Variants in SYTL5 observed in about 807,000 individuals in gnomAD.
SYTL5 encodes the protein synaptotagmin like 5.
A neutral mutation model predicts 55.9 loss-of-function variants in SYTL5; 34 were observed. The ratio of observed to expected loss-of-function variants is 0.61; its 90% CI spans 0.46 to 0.81. The LOEUF is 0.81. Ranked by LOEUF, SYTL5 falls within the 30% of genes least tolerant of loss-of-function variation. The pLI, the probability that SYTL5 is intolerant of heterozygous loss-of-function variation, is 0.00. For synonymous variants in SYTL5, 221 were observed against 188.7 expected (o/e 1.17, Z -1.40); for missense variants, 637 against 546.7 (o/e 1.17, Z -1.65).
chrX:37,976,656 A>G, the SYTL5 span, among the ~76,000 whole-genome samples: 2 of 111,416 alleles, frequency 1.8e-5, no homozygotes, highest in Non-Finnish European at 3.8e-5. Flanking sequence ...ATTTATTTTC[A>G]TCTAACACTA....
chrX:38,011,031 G>C (rs1832152849), intron 1 of SYTL5, among the ~76,000 whole-genome samples: 1 of 111,542 alleles, frequency 9.0e-6, no homozygotes, highest in South Asian at 3.8e-4. Context: ...CAGCACCAGA[G>C]GCAATTTTCT....
At chrX:38,026,941 AT>A (rs1934795158) in intron 1 of SYTL5, among the ~76,000 whole-genome samples, 1 of 111,826 alleles carries the variant, frequency 8.9e-6, no homozygotes, top group Non-Finnish European at 1.9e-5. Flanking sequence ...CACCTCTGAC[AT>A]TTTCCCCTTC....
At chrX:38,099,707 C>G (rs1462148843) in intron 9 of SYTL5, among the ~76,000 whole-genome samples, 1 of 111,138 alleles carries the variant, frequency 9.0e-6, no homozygotes, top group Non-Finnish European at 1.9e-5. Context: ...ATAATGTTAG[C>G]TAAGAGCTTC....
At chrX:38,092,985 T>G (rs1027028164) in intron 7 of SYTL5, among the ~76,000 whole-genome samples, 4 of 111,933 alleles carry the variant, frequency 3.6e-5, no homozygotes, top group African/African-American at 1.3e-4. Flanking sequence ...ATTAACATAA[T>G]TGCCTCCAAG....
rs748828097 is a variant in SYTL5, at chrX:38,080,001, T to TA, written c.689+3301dup. Among the ~76,000 whole-genome samples the TA allele has an allele frequency of 7.7e-4, 86 of 112,044 alleles. 1 individual carries two copies. The highest frequency in any genetic ancestry group is 1.4e-3 in the Non-Finnish European group (72 of 53,250). On this transcript the variant is annotated intron_variant, in intron 6 of 16. Transcript: ENST00000297875. ...TCCTTATACTTAAAATTAATTTTTT[T>TA]ATCTGAAATTCAAGTTTAACTGCGA...
At chrX:38,119,082 G>A (rs1177083028) in intron 13 of SYTL5, among the ~76,000 whole-genome samples, 1 of 109,251 alleles carries the variant, frequency 9.2e-6, no homozygotes, top group African/African-American at 3.4e-5. Flanking sequence ...CCAAAATGCT[G>A]GGATTACAGG....
chrX:37,891,257 T>C, the SYTL5 span, among the ~76,000 whole-genome samples: 1 of 112,226 alleles, frequency 8.9e-6, no homozygotes. Context: ...AATGTATAAA[T>C]AAAATGTGCA....
chrX:38,110,649 C>T (rs1020715619), intron 13 of SYTL5, among the ~76,000 whole-genome samples, 167 bp downstream of exon 13: 2 of 111,783 alleles, frequency 1.8e-5, no homozygotes, highest in African/African-American at 6.5e-5. Flanking sequence ...GTAAATCCAC[C>T]GTTTTGGAAA....
the SYTL5 span, among the ~76,000 whole-genome samples, chrX:37,944,187 A>G: frequency 8.1e-5 from 9 of 111,421 alleles, no homozygotes; most frequent in African/African-American, 2.9e-4. Flanking sequence ...CCCTAGGCTA[A>G]GCTATAACCA....
At chrX:38,056,359 T>C (rs1237797385) in intron 3 of SYTL5, among the ~76,000 whole-genome samples, 3 of 112,235 alleles carry the variant, frequency 2.7e-5, no homozygotes, top group Non-Finnish European at 5.6e-5. Flanking sequence ...CTTCATCCAT[T>C]TATCTGTTGA....
chrX:37,935,894 T>A, the SYTL5 span, among the ~76,000 whole-genome samples: 1 of 112,320 alleles, frequency 8.9e-6, no homozygotes, highest in African/African-American at 3.2e-5. Flanking sequence ...AAATCCTGCT[T>A]GACGAGTAAT....
At chrX:38,018,708 G>A (rs763661274) in intron 1 of SYTL5, among the ~76,000 whole-genome samples, 2 of 111,437 alleles carry the variant, frequency 1.8e-5, no homozygotes, top group Admixed American at 9.6e-5. Flanking sequence ...AATATACTTA[G>A]GTATTCTTAT....
At chrX:38,116,946 C>T (rs770403890) in intron 13 of SYTL5, among the ~76,000 whole-genome samples, 2 of 112,278 alleles carry the variant, frequency 1.8e-5, no homozygotes, top group Non-Finnish European at 3.8e-5. Context: ...CCTGCTACTG[C>T]AAATATGTCT....
At chrX:37,901,989 T>C in the SYTL5 span, among the ~76,000 whole-genome samples, 1 of 112,225 alleles carries the variant, frequency 8.9e-6, no homozygotes, top group Non-Finnish European at 1.9e-5. Flanking sequence ...CTATAACACA[T>C]TATCTATAAC....
the SYTL5 span, among the ~76,000 whole-genome samples, chrX:37,967,578 A>G: frequency 9.0e-6 from 1 of 111,138 alleles, no homozygotes; most frequent in Non-Finnish European, 1.9e-5. Flanking sequence ...GGCTTTCTGG[A>G]TCTGGATGTC....
chrX:37,976,894 A>G, the SYTL5 span, among the ~76,000 whole-genome samples: 5 of 109,858 alleles, frequency 4.6e-5, no homozygotes, highest in Non-Finnish European at 7.6e-5. Context: ...TGAACCCAGG[A>G]GGCAGTTTGC....
chrX:38,084,437 G>T (rs1936620037), intron 6 of SYTL5, among the ~76,000 whole-genome samples: 1 of 112,302 alleles, frequency 8.9e-6, no homozygotes, highest in Admixed American at 9.4e-5. Flanking sequence ...CAGTTGGTCA[G>T]AAGTTCTAAA....
intron 10 of SYTL5, among the ~76,000 whole-genome samples, chrX:38,106,342 C>T (rs1302964363): frequency 9.0e-6 from 1 of 111,664 alleles, no homozygotes; most frequent in Admixed American, 9.5e-5. Context: ...ATTCTCTAAC[C>T]CAAGAAGGAA....
chrX:37,942,373 C>A, the SYTL5 span, among the ~76,000 whole-genome samples: 7 of 112,121 alleles, frequency 6.2e-5, no homozygotes, highest in East Asian at 2.0e-3. Flanking sequence ...GCAATTTTCA[C>A]ACACTCTGTC....
Sources: gnomAD v4.1 joint callset for allele counts (sites outside exome capture counted in the v4.1 genomes callset) on GRCh38, gnomAD v4.1.1 for gene constraint, MANE v1.5 for transcripts, NCBI Gene and HGNC (gene_info 2026-07-23, HGNC 2026-07-21) for gene names.